The following PCDHA4 variants were observed in gnomAD, a reference collection of about 807,000 sequenced individuals.
The protein encoded by PCDHA4 is protocadherin alpha-4.
PCDHA4 carries 49 observed loss-of-function variants against 61.4 expected under a neutral mutation model. That is an observed-to-expected ratio of 0.80 (90% CI 0.63 to 1.01). The LOEUF (loss-of-function observed/expected upper bound fraction) is 1.01. Ranked by LOEUF, PCDHA4 falls within the 50% of genes least tolerant of loss-of-function variation. The pLI is 0.00. For missense variants in PCDHA4, 1,254 were observed against 1,235.8 expected, an observed-to-expected ratio of 1.01 and a Z score of -0.22; for synonymous variants, 590 against 550.3, an observed-to-expected ratio of 1.07 and a Z score of -1.01.
intron 1 of PCDHA4, among the ~76,000 whole-genome samples, chr5:140,941,207 CT>C (rs880001940): frequency 0.13 from 13,079 of 103,138 alleles, 665 homozygotes; most frequent in African/African-American, 0.21. Context: ...TTCTTCCTTT[CT>C]TTCTTCCTTT....
intron 1 of PCDHA4, chr5:140,848,643 C>CAGG (rs2150415990): frequency 1.3e-6 from 2 of 1,593,132 alleles, no homozygotes; most frequent in African/African-American, 2.7e-5. Context: ...CCGCATCGCG[C>CAGG]AGGACCTGGG....
At chr5:140,824,610 G>GTTTTTTTTTTTTTCTTTT (rs1768201815) in intron 1 of PCDHA4, 1 of 95,104 alleles carries the variant, frequency 1.1e-5, no homozygotes, top group African/African-American at 4.9e-5. Context: ...GCTAATTAAA[G>GTTTTTTTTTTTTTCTTTT]TTTTTTTTTT....
At chr5:140,838,766 T>C (rs2150292312) in intron 1 of PCDHA4, among the ~76,000 whole-genome samples, 4 of 151,986 alleles carry the variant, frequency 2.6e-5, no homozygotes, top group Non-Finnish European at 4.4e-5. Context: ...GTAGAGACTT[T>C]GTAAAATTAG....
At chr5:140,857,932 C>A (rs1393571264) in intron 1 of PCDHA4, 1 of 1,597,630 alleles carries the variant, frequency 6.3e-7, no homozygotes, top group African/African-American at 1.3e-5. Flanking sequence ...TGTACACGGG[C>A]GAGATCAGTA....
intron 1 of PCDHA4, among the ~76,000 whole-genome samples, chr5:140,910,545 A>T (rs551984797): frequency 1.3e-5 from 2 of 152,316 alleles, no homozygotes; most frequent in East Asian, 1.9e-4. Context: ...TCTATTTTGC[A>T]AAGTATTAGT....
intron 1 of PCDHA4, chr5:140,930,486 G>T (rs1211564539): frequency 6.6e-6 from 1 of 152,320 alleles, no homozygotes; most frequent in Non-Finnish European, 1.5e-5. Flanking sequence ...GCCTCCCAAA[G>T]TGCTGGGATT....
intron 1 of PCDHA4, among the ~76,000 whole-genome samples, chr5:140,974,838 A>G (rs1554236389): frequency 6.6e-6 from 1 of 152,134 alleles, no homozygotes; most frequent in Admixed American, 6.5e-5. Context: ...ATTATTTTAA[A>G]TGTTATATTC....
intron 1 of PCDHA4, among the ~76,000 whole-genome samples, chr5:140,891,064 A>T (rs1442139760): frequency 6.6e-6 from 1 of 152,206 alleles, no homozygotes; most frequent in East Asian, 1.9e-4. Flanking sequence ...AGTAAATATT[A>T]TTCCAGTGTC....
rs7710953 is a variant in PCDHA4 at position 140,852,165 on chromosome 5, C to T, written c.2385+42593C>T. On this transcript the variant is annotated intron_variant, in intron 1 of 3. Coordinates refer to ENST00000530339, the MANE Select transcript of PCDHA4 (RefSeq NM_018907.4). ...GATCAGAATGGCCTTGAGAATAGAGCCACAAAAATAACTATGAAAATGCCA... is the reference window on the plus strand; with the variant it reads ...GATCAGAATGGCCTTGAGAATAGAGTCACAAAAATAACTATGAAAATGCCA... 4.5e-3 allele frequency: 3,690 copies of T among 821,522 alleles called. 269 individuals are homozygous for T. In the African/African-American group the frequency reaches 0.065, roughly 14 times the overall value. 50.9% of individuals were successfully genotyped at this position (821,522 alleles called of 1,614,324 possible).
At chr5:140,828,069 AAAT>A (rs2150150559) in intron 1 of PCDHA4, 3 of 1,564,606 alleles carry the variant, frequency 1.9e-6, no homozygotes, top group Non-Finnish European at 2.6e-6. Flanking sequence ...CTTCTAATGG[AAAT>A]AAAACCAGAG....
chr5:140,876,925 C>G (rs1554169109), intron 1 of PCDHA4: 1 of 1,613,838 alleles, frequency 6.2e-7, no homozygotes, highest in South Asian at 1.1e-5. Flanking sequence ...CGCGGACGCG[C>G]AGAAGAACGC....
chr5:140,842,313 C>G, intron 1 of PCDHA4: 2 of 1,607,028 alleles, frequency 1.2e-6, no homozygotes, highest in Non-Finnish European at 1.7e-6. Context: ...CCTCCCATGG[C>G]GGGTCATTGC....
chr5:140,856,271 G>T lies in PCDHA4; in HGVS notation c.2385+46699G>T, dbSNP rs782472888. On this transcript the variant is annotated intron_variant, in intron 1 of 3. Coordinates refer to ENST00000530339, the MANE Select transcript of PCDHA4 (RefSeq NM_018907.4). ...GTCCAAAAGACACGGGGACCTTCTG[G>T]AGGTAAATCTGCAGAATGGCATTTT... 7 of 1,598,148 alleles carry T rather than the reference G, an allele frequency of 4.4e-6. 1 individual carries two copies. The highest frequency in any genetic ancestry group is 6.0e-6 in the Non-Finnish European group (7 of 1,167,948).
At chr5:140,931,035 C>A (rs2153606811) in intron 1 of PCDHA4, among the ~76,000 whole-genome samples, 1 of 152,250 alleles carries the variant, frequency 6.6e-6, no homozygotes, top group Non-Finnish European at 1.5e-5. Context: ...GTAGAGCTAG[C>A]AAGAAAAACT....
chr5:140,809,028 G>A lies in PCDHA4; in HGVS notation c.1841G>A (p.Gly614Glu). The A allele has an allele frequency of 1.9e-6, 3 of 1,613,838 alleles. No homozygotes were observed. The highest frequency in any genetic ancestry group is 2.2e-5 in the South Asian group (2 of 91,072). Residue 614 changes from glycine (G) to glutamate (E), a missense_variant, in exon 1 of 4, where the codon GGG (glycine) becomes GAG (glutamate). Coordinates refer to ENST00000530339, the MANE Select transcript of PCDHA4 (RefSeq NM_018907.4). ...NAWLSYELQP[G>E]TGGARIPFRV... ...TGGCTTTCGTACGAGCTGCAGCCGG[G>A]GACTGGTGGCGCGCGCATCCCGTTC... is the stretch of plus-strand genomic sequence containing the variant.
intron 1 of PCDHA4, chr5:140,968,110 G>A: frequency 1.2e-6 from 2 of 1,614,172 alleles, no homozygotes; most frequent in Non-Finnish European, 1.7e-6. Context: ...GAATACCGCA[G>A]CTCACATCCC....
intron 1 of PCDHA4, chr5:140,849,905 G>C: frequency 6.3e-7 from 1 of 1,598,320 alleles, no homozygotes; most frequent in Non-Finnish European, 8.6e-7. Flanking sequence ...ACAACCCGCC[G>C]GGCTGCCACA....
At chr5:140,843,440 G>A in intron 1 of PCDHA4, 2 of 1,596,090 alleles carry the variant, frequency 1.3e-6, no homozygotes, top group African/African-American at 2.7e-5. Flanking sequence ...CATCTGCGCG[G>A]TATCCAGCCT....
intron 1 of PCDHA4, among the ~76,000 whole-genome samples, chr5:140,833,310 T>C (rs1772401616): frequency 6.6e-6 from 1 of 152,138 alleles, no homozygotes; most frequent in Non-Finnish European, 1.5e-5. Context: ...CATAATTATT[T>C]TACATGCCAT....
Sources: gnomAD v4.1 joint callset for allele counts (sites outside exome capture counted in the v4.1 genomes callset) on GRCh38, gnomAD v4.1.1 for gene constraint, MANE v1.5 for transcripts, NCBI Gene and HGNC (gene_info 2026-07-23, HGNC 2026-07-21) for gene names.